Variants in SUGP1 observed in about 807,000 individuals in gnomAD.
SUGP1 encodes the protein SURP and G-patch domain containing 1.
In SUGP1, 34 loss-of-function variants were observed where a neutral mutation model predicts 76.5. The observed-to-expected ratio is 0.44, with a 90% confidence interval of 0.34 to 0.59. The LOEUF is 0.59. Among genes scored for constraint, SUGP1 ranks in the 20% least tolerant of loss-of-function variants. The probability of loss-of-function intolerance (pLI) is 0.01; values close to 1 mark genes in which losing one functional copy is unlikely to be tolerated. For synonymous variants in SUGP1, 326 were observed against 326.2 expected (o/e 1.00, Z 0.01); for missense variants, 752 against 851.7 (o/e 0.88, Z 1.46).
At chr19:19,309,067 A>G (rs954268061) in intron 3 of SUGP1, among the ~76,000 whole-genome samples, 3 of 151,888 alleles carry the variant, frequency 2.0e-5, no homozygotes, top group African/African-American at 7.2e-5. Context: ...GGGTTTCACC[A>G]TGTTGGTCAG....
rs922332399 is a variant in SUGP1, at chr19:19,276,236, A to G, written c.*412T>C. On this transcript the variant is annotated 3_prime_UTR_variant, in exon 14 of 14. Transcript: ENST00000247001. ...CCAGCTAATTTTATATTTTTAGTAG[A>G]GACAGGATTTCACCATGTTGGCCAG... 5.6e-6 allele frequency: 1 copy of G among 179,590 alleles called. No homozygotes were observed. Among genetic ancestry groups the G allele is most frequent in the African/African-American group, 2.4e-5 (1 of 42,148 alleles). 11.1% of individuals were successfully genotyped at this position (179,590 alleles called of 1,614,324 possible).
chr19:19,277,991 C>A, intron 11 of SUGP1, 112 bp from the exon 12 acceptor site: 1 of 1,300,454 alleles, frequency 7.7e-7, no homozygotes, highest in Non-Finnish European at 1.1e-6. Flanking sequence ...GCCCATCTGC[C>A]TCCCTCTCAC....
At chr19:19,319,015 C>T (rs370624424) in intron 1 of SUGP1, among the ~76,000 whole-genome samples, 3 of 152,176 alleles carry the variant, frequency 2.0e-5, no homozygotes, top group South Asian at 2.1e-4. Flanking sequence ...GTCAGGAGAT[C>T]GAGACCAGCC....
chr19:19,308,696 TG>T (rs961558085), intron 3 of SUGP1, among the ~76,000 whole-genome samples: 10 of 152,380 alleles, frequency 6.6e-5, no homozygotes, highest in African/African-American at 2.4e-4. Context: ...CCCCTGCTGG[TG>T]GGTTCAAGCT....
At chr19:19,314,864 G>A (rs182459318) in intron 2 of SUGP1, among the ~76,000 whole-genome samples, 14 of 152,194 alleles carry the variant, frequency 9.2e-5, no homozygotes, top group South Asian at 2.1e-4. Flanking sequence ...GAGAAACCCC[G>A]CCTCTACTAA....
intron 3 of SUGP1, among the ~76,000 whole-genome samples, chr19:19,309,409 C>T (rs866040310): frequency 6.6e-6 from 1 of 151,914 alleles, no homozygotes. Context: ...GCTTGAGCCC[C>T]GGAGGTTGAG....
chr19:19,282,800 A>G lies in SUGP1; in HGVS notation c.1244-2509T>C, dbSNP rs573553420. Among the ~76,000 whole-genome samples, 485 of 152,266 alleles carry G rather than the reference A, an allele frequency of 3.2e-3. 3 individuals are homozygous for G. Among genetic ancestry groups the G allele is most frequent in the Non-Finnish European group, 5.3e-3 (363 of 68,020 alleles). On this transcript the variant is annotated intron_variant, in intron 8 of 13. Transcript: ENST00000247001. ...AATCAAGAAAAAGTTAGGTGTGGCC[A>G]GGCACGGCGGCTCACGCCTGTAATC...
chr19:19,308,896 C>T (rs1049183867), intron 3 of SUGP1, among the ~76,000 whole-genome samples: 2 of 151,512 alleles, frequency 1.3e-5, no homozygotes, highest in Non-Finnish European at 2.9e-5. Flanking sequence ...GACGAAGTCT[C>T]GCTCTTGTCC....
rs377674238 is a variant in SUGP1, at chr19:19,296,885, G to T, written c.1243+104C>A. Reference sequence around the variant, plus strand: ...TGGAAGATATGGCCACAGAAGGAATGAAATTCTGATACAAGCTACACTGTG... The same window carrying T: ...TGGAAGATATGGCCACAGAAGGAATTAAATTCTGATACAAGCTACACTGTG... On this transcript the variant is annotated intron_variant, in intron 8 of 13. Transcript: ENST00000247001. 7 of 1,049,464 alleles carry T rather than the reference G, an allele frequency of 6.7e-6. No homozygotes were observed. In the East Asian group the frequency reaches 1.3e-4, roughly 20 times the overall value. The allele number at this position is 1,049,464 out of a possible 1,614,324, so 65.0% of individuals were successfully genotyped here. A position where few individuals can be genotyped will look rare whatever the true frequency, so the allele number is the denominator to read the frequency against.
At chr19:19,289,584 C>G (rs143317621) in intron 8 of SUGP1, among the ~76,000 whole-genome samples, 100 of 152,094 alleles carry the variant, frequency 6.6e-4, no homozygotes, top group African/African-American at 2.2e-3. Context: ...CTCGTCTCTA[C>G]TAAAACCAAA....
chr19:19,301,378 A>T (rs949370374), intron 7 of SUGP1, among the ~76,000 whole-genome samples: 4 of 150,936 alleles, frequency 2.7e-5, no homozygotes, highest in African/African-American at 9.8e-5. Context: ...CCTCAGTCCC[A>T]CCTCCCAATG....
chr19:19,303,951 G>A (rs775004987), intron 4 of SUGP1, 104 bp from the exon 5 acceptor site: 2 of 1,600,556 alleles, frequency 1.2e-6, no homozygotes, highest in Non-Finnish European at 1.7e-6. Context: ...GGGGAGAAGA[G>A]TGTGAGATGC....
intron 8 of SUGP1, among the ~76,000 whole-genome samples, chr19:19,294,278 C>T (rs2061207703): frequency 6.6e-6 from 1 of 151,990 alleles, no homozygotes; most frequent in Non-Finnish European, 1.5e-5. Context: ...AATTCCAACA[C>T]TTTGGGAGGC....
chr19:19,302,213 A>AG, intron 7 of SUGP1, 52 bp downstream of exon 7: 1 of 1,608,390 alleles, frequency 6.2e-7, no homozygotes, highest in Non-Finnish European at 8.5e-7. Flanking sequence ...CCTCCCCTGC[A>AG]GGGGGACTGT....
chr19:19,284,988 C>T (rs936333926), intron 8 of SUGP1, among the ~76,000 whole-genome samples: 1 of 151,936 alleles, frequency 6.6e-6, no homozygotes, highest in Non-Finnish European at 1.5e-5. Flanking sequence ...CTGCCTCAGC[C>T]TCCCGAGTAG....
intron 8 of SUGP1, among the ~76,000 whole-genome samples, chr19:19,291,603 CAA>C (rs2061183779): frequency 6.6e-6 from 1 of 151,678 alleles, no homozygotes; most frequent in Admixed American, 6.6e-5. Context: ...AAAAAAAGGC[CAA>C]GAGGCTGGGC....
At chr19:19,312,019 T>C (rs1384670792) in intron 2 of SUGP1, among the ~76,000 whole-genome samples, 3 of 151,292 alleles carry the variant, frequency 2.0e-5, no homozygotes, top group Non-Finnish European at 2.9e-5. Context: ...ATGGAACAAA[T>C]GGAAATGTAG....
At chr19:19,283,076 C>CA (rs34368040) in intron 8 of SUGP1, among the ~76,000 whole-genome samples, 51,624 of 130,528 alleles carry the variant, frequency 0.4, 10,532 homozygotes, top group African/African-American at 0.59. Context: ...GACTCCATCT[C>CA]AAAAAAAAAA....
chr19:19,313,121 C>T (rs1404828748), intron 2 of SUGP1, among the ~76,000 whole-genome samples: 2 of 152,110 alleles, frequency 1.3e-5, no homozygotes, highest in Non-Finnish European at 2.9e-5. Context: ...AGGCCGGGTG[C>T]GGGACCTCAC....
Sources: gnomAD v4.1 joint callset for allele counts (sites outside exome capture counted in the v4.1 genomes callset) on GRCh38, gnomAD v4.1.1 for gene constraint, MANE v1.5 for transcripts, NCBI Gene and HGNC (gene_info 2026-07-23, HGNC 2026-07-21) for gene names.